PDE4D: variants seen among roughly 807,000 people sequenced by gnomAD.
PDE4D encodes 3',5'-cyclic-AMP phosphodiesterase 4D.
In PDE4D, 24 loss-of-function variants were observed where a neutral mutation model predicts 87.4. That is an observed-to-expected ratio of 0.27 (90% CI 0.20 to 0.39). The LOEUF (loss-of-function observed/expected upper bound fraction) is 0.39. Ranked by LOEUF, PDE4D falls within the 10% of genes least tolerant of loss-of-function variation. The pLI, the probability that PDE4D is intolerant of heterozygous loss-of-function variation, is 1.00. For synonymous variants in PDE4D, 384 were observed against 383.2 expected (o/e 1.00, Z -0.02); for missense variants, 714 against 1,041.0 (o/e 0.69, Z 4.32).
chr5:59,521,641 C>G (rs561365345), intron 1 of PDE4D, among the ~76,000 whole-genome samples: 2 of 152,266 alleles, frequency 1.3e-5, no homozygotes, highest in Non-Finnish European at 2.9e-5. Context: ...CATTTCCTGA[C>G]ACTCTTTCCC....
At chr5:58,998,820 A>G (rs1317305697) in intron 6 of PDE4D, among the ~76,000 whole-genome samples, 1 of 152,164 alleles carries the variant, frequency 6.6e-6, no homozygotes, top group Non-Finnish European at 1.5e-5. Flanking sequence ...ACCTCCTTCT[A>G]TTGTGGAGAC....
rs908690482 is a variant in PDE4D, at chr5:60,252,721, G to T, written c.-89-67034C>A. 2.0e-5 allele frequency among the ~76,000 whole-genome samples: 3 copies of T among 151,666 alleles called. No individual in the cohort carries two copies. In the South Asian group the frequency reaches 6.2e-4, roughly 31 times the overall value. On this transcript the variant is annotated intron_variant, in intron 1 of 16. Coordinates refer to the PDE4D transcript ENST00000502484. ...TGGGGAATTGGAGTAAAATCCAAGA[G>T]AGCAGGAACTGTCTAGAAGAAAATT... is the stretch of plus-strand genomic sequence containing the variant.
At chr5:59,004,691 A>G (rs1751235758) in intron 6 of PDE4D, among the ~76,000 whole-genome samples, 1 of 152,258 alleles carries the variant, frequency 6.6e-6, no homozygotes, top group Non-Finnish European at 1.5e-5. Flanking sequence ...AGAATTATAA[A>G]TGCATTTTGT....
At chr5:59,181,634 T>G (rs1040731390) in intron 4 of PDE4D, among the ~76,000 whole-genome samples, 1 of 149,584 alleles carries the variant, frequency 6.7e-6, no homozygotes, top group Admixed American at 6.7e-5. Context: ...TAAACACTTC[T>G]TGTGGATCAG....
chr5:59,989,117 C>CAT (rs1327220170), intron 2 of PDE4D, among the ~76,000 whole-genome samples: 8 of 63,700 alleles, frequency 1.3e-4, no homozygotes, highest in African/African-American at 3.2e-4. Flanking sequence ...TATATATATA[C>CAT]ACACACACAC....
intron 1 of PDE4D, among the ~76,000 whole-genome samples, chr5:59,335,475 A>G (rs1777498044): frequency 6.6e-6 from 1 of 152,186 alleles, no homozygotes; most frequent in South Asian, 2.1e-4. Flanking sequence ...CTCTAAAAAT[A>G]CATAGTTTTT....
At chr5:59,762,380 A>G (rs1224828060) in intron 1 of PDE4D, among the ~76,000 whole-genome samples, 1 of 131,932 alleles carries the variant, frequency 7.6e-6, no homozygotes, top group Non-Finnish European at 1.7e-5. Flanking sequence ...ACATGTGTAT[A>G]TGTGTATATG....
At chr5:60,149,760 C>T (rs1781332344) in intron 2 of PDE4D, among the ~76,000 whole-genome samples, 1 of 150,110 alleles carries the variant, frequency 6.7e-6, no homozygotes, top group South Asian at 2.1e-4. Flanking sequence ...CTCATAGCAT[C>T]CTATATGTGT....
rs543323101 is a variant in PDE4D at position 59,534,987 on chromosome 5, G to C, written c.456-319019C>G. On this transcript the variant is annotated intron_variant, in intron 1 of 14. Coordinates refer to ENST00000340635, the MANE Select transcript of PDE4D (RefSeq NM_001104631.2). ...TCTTGTTAAGTATTTATTAATATTG[G>C]GTATGATGCTTATTCTGCATTACTT... Among the ~76,000 whole-genome samples, 7 of 151,454 alleles carry C rather than the reference G, an allele frequency of 4.6e-5. No individual in the cohort carries two copies. The South Asian group carries it at 1.3e-3, about 27-fold the overall frequency.
At position 59,544,501 on chromosome 5, in the gene PDE4D, C is replaced by T. The variant is rs145542746; in HGVS notation, c.456-328533G>A. 7.7e-3 allele frequency among the ~76,000 whole-genome samples: 1,169 copies of T among 152,280 alleles called. 9 individuals carry two copies. Among genetic ancestry groups the T allele is most frequent in the African/African-American group, 0.026 (1,100 of 41,556 alleles). On this transcript the variant is annotated intron_variant, in intron 1 of 14. Coordinates refer to ENST00000340635, the MANE Select transcript of PDE4D (RefSeq NM_001104631.2). The stretch of plus-strand genomic sequence containing the variant: ...AGCATGAGAGATAAATCTAATTTAG[C>T]TATATGAGACTGATGAGAAACAGTC...
rs72767789 is a variant in PDE4D at position 59,482,508 on chromosome 5, G to T, written c.456-266540C>A. Among the ~76,000 whole-genome samples the T allele has an allele frequency of 3.1e-3, 474 of 152,162 alleles. 5 individuals carry two copies. The highest frequency in any genetic ancestry group is 5.6e-3 in the Non-Finnish European group (384 of 67,968). On this transcript the variant is annotated intron_variant, in intron 1 of 14. Transcript: ENST00000340635. ...CAAAATCATCCCTGTAGTGATAAAA[G>T]AATATGCCCTTAGAAATTCAAGATT...
intron 1 of PDE4D, among the ~76,000 whole-genome samples, chr5:60,456,032 C>A (rs1282345055): frequency 6.6e-6 from 1 of 152,156 alleles, no homozygotes; most frequent in African/African-American, 2.4e-5. Context: ...CACACACCCC[C>A]AAGGACATCT....
intron 1 of PDE4D, among the ~76,000 whole-genome samples, chr5:59,469,546 G>A (rs888422303): frequency 2.0e-5 from 3 of 152,132 alleles, no homozygotes; most frequent in African/African-American, 7.2e-5. Flanking sequence ...GGAAGGCAGG[G>A]GATGGCCTTG....
intron 1 of PDE4D, among the ~76,000 whole-genome samples, chr5:59,731,847 A>G (rs1475599072): frequency 6.6e-6 from 1 of 152,196 alleles, no homozygotes; most frequent in Admixed American, 6.6e-5. Context: ...TAAGTCATCT[A>G]AGTCAGCTCT....
chr5:60,430,193 T>C (rs1744098171), intron 1 of PDE4D: 1 of 522,390 alleles, frequency 1.9e-6, no homozygotes, highest in Non-Finnish European at 3.8e-6. Context: ...CACTTATGAA[T>C]GTTGATGGGA....
chr5:59,071,472 C>A (rs1011262000), intron 5 of PDE4D, among the ~76,000 whole-genome samples: 16 of 150,156 alleles, frequency 1.1e-4, no homozygotes, highest in Non-Finnish European at 7.4e-5. Flanking sequence ...ACCTTTCAAC[C>A]CTTCTATTGA....
intron 1 of PDE4D, among the ~76,000 whole-genome samples, chr5:60,255,420 G>T (rs1315625733): frequency 6.6e-6 from 1 of 151,800 alleles, no homozygotes; most frequent in East Asian, 1.9e-4. Context: ...TCTTTTATAT[G>T]TCACAGTAAC....
At chr5:59,123,626 C>A (rs1464883317) in intron 5 of PDE4D, among the ~76,000 whole-genome samples, 3 of 152,282 alleles carry the variant, frequency 2.0e-5, no homozygotes, top group South Asian at 4.1e-4. Context: ...TAACATCAAA[C>A]CAAATGTTTT....
intron 1 of PDE4D, among the ~76,000 whole-genome samples, chr5:60,495,533 A>G (rs1357210420): frequency 6.6e-6 from 1 of 152,228 alleles, no homozygotes; most frequent in African/African-American, 2.4e-5. Context: ...GAGATAGTGC[A>G]TGCAGACTAC....
Sources: gnomAD v4.1 joint callset for allele counts (sites outside exome capture counted in the v4.1 genomes callset) on GRCh38, gnomAD v4.1.1 for gene constraint, MANE v1.5 for transcripts, NCBI Gene and HGNC (gene_info 2026-07-23, HGNC 2026-07-21) for gene names.